EPG5: variants seen among roughly 807,000 people sequenced by gnomAD.
The protein encoded by EPG5 is ectopic P granules protein 5 homolog.
In EPG5, 159 loss-of-function variants were observed where a neutral mutation model predicts 302.7. That is an observed-to-expected ratio of 0.53 (90% CI 0.46 to 0.60). The LOEUF is 0.60. Ranked by LOEUF, EPG5 falls within the 20% of genes least tolerant of loss-of-function variation. The pLI is 0.00. For missense variants in EPG5, 2,896 were observed against 3,092.4 expected (o/e 0.94, Z 1.51); for synonymous variants, 1,158 against 1,136.8 (o/e 1.02, Z -0.37).
Position 45,867,629 on chromosome 18 carries a change from G to A in EPG5, c.6345C>T (p.Ser2115=). 1 of 1,614,106 alleles carries A rather than the reference G, an allele frequency of 6.2e-7. No individual in the cohort carries two copies. Among genetic ancestry groups the A allele is most frequent in the Non-Finnish European group, 8.5e-7 (1 of 1,179,984 alleles). The stretch of plus-strand genomic sequence containing the variant: ...TCATGAAAAGGAGGCAGACAATCAT[G>A]CTGCGGGTTTCTGGGTGGGGACTGG... ...WNSSPHPETR[S]MIVCLLFMMI... is the part of the protein sequence containing the mutation. Residue 2115 remains serine (S), a synonymous_variant, in exon 37 of 44, where the codon AGC becomes AGT. Transcript: ENST00000282041.
chr18:45,927,667 A>C (rs1003130795), intron 13 of EPG5, among the ~76,000 whole-genome samples: 1 of 151,932 alleles, frequency 6.6e-6, no homozygotes, highest in Admixed American at 6.6e-5. Flanking sequence ...CTTAAAAATG[A>C]AGTAAATGCT....
At chr18:45,953,685 G>T (rs1166901777) in intron 2 of EPG5, 26 of 985,110 alleles carry the variant, frequency 2.6e-5, no homozygotes, top group Non-Finnish European at 1.2e-6. Flanking sequence ...CCCTTCCTTT[G>T]GGGGCTCTGT....
chr18:45,917,434 A>G (rs560966290), intron 17 of EPG5, among the ~76,000 whole-genome samples: 3 of 152,256 alleles, frequency 2.0e-5, no homozygotes, highest in Non-Finnish European at 4.4e-5. Context: ...TTAAGCTTTA[A>G]TAAGCAATTC....
chr18:45,828,107 C>G, the EPG5 span, among the ~76,000 whole-genome samples: 2 of 152,222 alleles, frequency 1.3e-5, no homozygotes, highest in African/African-American at 2.4e-5. Context: ...AGAAGACATC[C>G]AGGCCACGGC....
rs746257883 is a variant in EPG5, at chr18:45,944,048, G to C, written c.1749C>G (p.Pro583=). 5 of 1,613,930 alleles carry C rather than the reference G, an allele frequency of 3.1e-6. No individual in the cohort carries two copies. The highest frequency in any genetic ancestry group is 2.7e-5 in the African/African-American group (2 of 75,030). ...GAAGATGCTGAAAGAGTTCATGAAAGGGGAACTGTGCTAAAATGGTAACCA... is the reference window on the plus strand; with the variant it reads ...GAAGATGCTGAAAGAGTTCATGAAACGGGAACTGTGCTAAAATGGTAACCA... The part of the protein sequence containing the change: ...DDLVTILAQF[P]FHELFQHLLG... The change falls in exon 8 of 44, where the codon CCC becomes CCG. Residue 583 remains proline, a synonymous_variant. Transcript: ENST00000282041.
intron 1 of EPG5, among the ~76,000 whole-genome samples, chr18:45,965,046 A>C (rs2051220219): frequency 6.6e-6 from 1 of 152,146 alleles, no homozygotes; most frequent in South Asian, 2.1e-4. Context: ...AATGTGTCTA[A>C]CTCCACTACA....
At chr18:45,819,663 T>C in the EPG5 span, among the ~76,000 whole-genome samples, 1 of 152,216 alleles carries the variant, frequency 6.6e-6, no homozygotes, top group African/African-American at 2.4e-5. Context: ...TAATAGAAGA[T>C]AGGTGTGTTA....
chr18:45,847,245 C>A (rs922643762), downstream of EPG5, among the ~76,000 whole-genome samples: 28 of 152,184 alleles, frequency 1.8e-4, no homozygotes, highest in Non-Finnish European at 3.2e-4. Context: ...GGCATCCCAC[C>A]ACTGAAGGTG....
rs2048730560 is a variant in EPG5 at position 45,865,709 on chromosome 18, G to A, written c.6672C>T (p.Leu2224=). Residue 2224 remains leucine (L), a synonymous_variant, in exon 39 of 44, where the codon CTC becomes CTT. Transcript: ENST00000282041. ...TTTTTCCATTTTGTTCCAGGGTGCT[G>A]AGGAATTGAACCATCTGATGAGTAA... ...QAFTHQMVQF[L]STLEQNGKIT... is the part of the protein sequence containing the mutation. 1 of 1,612,204 alleles carries A rather than the reference G, an allele frequency of 6.2e-7. No individual in the cohort carries two copies. The highest frequency in any genetic ancestry group is 1.3e-5 in the African/African-American group (1 of 74,154).
chr18:45,891,751 C>T (rs2049356862), intron 27 of EPG5, among the ~76,000 whole-genome samples: 1 of 151,872 alleles, frequency 6.6e-6, no homozygotes, highest in South Asian at 2.1e-4. Flanking sequence ...ATAATGTTAA[C>T]AATAATTAAC....
intron 4 of EPG5, among the ~76,000 whole-genome samples, chr18:45,950,728 G>GT (rs2050889033): frequency 6.6e-6 from 1 of 152,178 alleles, no homozygotes; most frequent in African/African-American, 2.4e-5. Flanking sequence ...TTGTGGCATC[G>GT]TATCAGCACT....
Position 45,852,304 on chromosome 18 carries a change from C to CACACA in EPG5, c.*162_*163insTGTGT. 23 of 613,116 alleles carry CACACA rather than the reference C, an allele frequency of 3.8e-5. No homozygotes were observed. Among genetic ancestry groups the CACACA allele is most frequent in the South Asian group, 1.3e-4 (6 of 47,700 alleles). 38.0% of individuals were successfully genotyped at this position (613,116 alleles called of 1,614,324 possible). On this transcript the variant is annotated 3_prime_UTR_variant, in exon 44 of 44. Transcript: ENST00000282041. ...AAACACACACACACACACACACACACCCCAAAATTATCTAATATCTAACGC... is the reference window on the plus strand; with the variant it reads ...AAACACACACACACACACACACACACACACACCCAAAATTATCTAATATCTAACGC...
At chr18:45,871,928 C>G (rs2048879950) in intron 35 of EPG5, among the ~76,000 whole-genome samples, 1 of 152,078 alleles carries the variant, frequency 6.6e-6, no homozygotes, top group Non-Finnish European at 1.5e-5. Flanking sequence ...CAGAAGAGAA[C>G]CAACTTTAAA....
At chr18:45,813,943 C>T in the EPG5 span, among the ~76,000 whole-genome samples, 25 of 151,600 alleles carry the variant, frequency 1.6e-4, no homozygotes, top group African/African-American at 5.8e-4. Context: ...ATAAAATTAT[C>T]CAATAAAATT....
intron 1 of EPG5, among the ~76,000 whole-genome samples, chr18:45,961,795 T>C (rs572200049): frequency 6.6e-6 from 1 of 151,502 alleles, no homozygotes; most frequent in South Asian, 2.1e-4. Context: ...GAGGCAAAGG[T>C]TGCAGTCAGC....
chr18:45,912,564 A>G, intron 21 of EPG5, 108 bp from the exon 22 acceptor site: 1 of 1,110,598 alleles, frequency 9.0e-7, no homozygotes, highest in Non-Finnish European at 1.3e-6. Flanking sequence ...TTTTCAATTC[A>G]ATAATATATT....
In EPG5 at chr18:45,917,789, T is replaced by C. The variant is rs113333959; in HGVS notation, c.3129A>G (p.Pro1043=). The C allele has an allele frequency of 1.7e-5, 28 of 1,614,090 alleles. 2 individuals are homozygous for C. The African/African-American group carries it at 2.4e-4, about 14-fold the overall frequency. Residue 1043 remains proline, a synonymous_variant, in exon 17 of 44, where the codon CCA becomes CCG. Transcript: ENST00000282041. ...TTGACTGGACCAGAATTCCCAATAG[T>C]GGGATGCCTTCTGCACAGAACTTCT... is the stretch of plus-strand genomic sequence containing the variant. ...SIEKFCAEGI[P]LLGILVQSRH...
In EPG5 at chr18:45,848,599, G is replaced by A. The variant is rs2145118657; in HGVS notation, c.*3868C>T. The A allele has an allele frequency of 6.6e-6, 1 of 152,372 alleles. No homozygotes were observed. Among genetic ancestry groups the A allele is most frequent in the African/African-American group, 2.4e-5 (1 of 41,580 alleles). 9.4% of individuals were successfully genotyped at this position (152,372 alleles called of 1,614,324 possible). ...GGAGGCACCACGGGGGTAAACCCAA[G>A]GAAGCACTCTCTTGGCACCTGCAAG... On this transcript the variant is annotated 3_prime_UTR_variant, in exon 44 of 44. Coordinates refer to ENST00000282041, the MANE Select transcript of EPG5 (RefSeq NM_020964.3).
At chr18:45,864,970 C>T (rs2048715092) in intron 39 of EPG5, among the ~76,000 whole-genome samples, 1 of 152,172 alleles carries the variant, frequency 6.6e-6, no homozygotes, top group African/African-American at 2.4e-5. Flanking sequence ...GTGGATTATG[C>T]ATCGGATTTC....
Sources: gnomAD v4.1 joint callset for allele counts (sites outside exome capture counted in the v4.1 genomes callset) on GRCh38, gnomAD v4.1.1 for gene constraint, MANE v1.5 for transcripts, NCBI Gene and HGNC (gene_info 2026-07-23, HGNC 2026-07-21) for gene names.